MICAL2: variants seen among roughly 807,000 people sequenced by gnomAD.
MICAL2 encodes microtubule associated monooxygenase, calponin and LIM domain containing 2, also known as [F-actin]-monooxygenase MICAL2.
In MICAL2, 77 loss-of-function variants were observed where a neutral mutation model predicts 127.3. The observed-to-expected ratio is 0.60, with a 90% confidence interval of 0.50 to 0.73. The LOEUF is 0.73. Among genes scored for constraint, MICAL2 ranks in the 30% least tolerant of loss-of-function variants. MICAL2 has a pLI of 0.00. For missense variants in MICAL2, 1,351 were observed against 1,434.4 expected (o/e 0.94, Z 0.94); for synonymous variants, 570 against 551.1 (o/e 1.03, Z -0.48).
intron 21 of MICAL2, among the ~76,000 whole-genome samples, chr11:12,244,372 C>T (rs975103584): frequency 5.3e-5 from 8 of 152,232 alleles, no homozygotes; most frequent in African/African-American, 1.4e-4. Flanking sequence ...TGCCACCCTT[C>T]GTGCCAGATG....
chr11:12,159,600 T>G (rs948557173), intron 2 of MICAL2, among the ~76,000 whole-genome samples: 1 of 152,240 alleles, frequency 6.6e-6, no homozygotes, highest in African/African-American at 2.4e-5. Flanking sequence ...CAGTTTTCTC[T>G]GTACTGCTTG....
chr11:12,354,951 C>T, intron 34 of MICAL2: 1 of 1,164,102 alleles, frequency 8.6e-7, no homozygotes, highest in African/African-American at 1.5e-5. Flanking sequence ...CTCTTCCTGC[C>T]TGCCAGCCTG....
chr11:12,348,109 G>A (rs139790111), intron 32 of MICAL2, among the ~76,000 whole-genome samples: 175 of 141,616 alleles, frequency 1.2e-3, no homozygotes, highest in African/African-American at 4.2e-3. Flanking sequence ...AGCCAAGATC[G>A]TGCCACTGCA....
chr11:12,130,896 A>G (rs934880578), intron 1 of MICAL2, among the ~76,000 whole-genome samples: 5 of 152,136 alleles, frequency 3.3e-5, no homozygotes, highest in Non-Finnish European at 5.9e-5. Context: ...GGGAAGAGAG[A>G]GGTTTCTGGG....
intron 24 of MICAL2, 77 bp downstream of exon 24, chr11:12,257,048 C>A: frequency 1.4e-6 from 2 of 1,463,214 alleles, no homozygotes; most frequent in Middle Eastern, 2.3e-4. Context: ...TCCTGTCCCT[C>A]TGGTGGCTCT....
intron 3 of MICAL2, among the ~76,000 whole-genome samples, chr11:12,198,392 G>A (rs1204823346): frequency 1.3e-5 from 2 of 152,222 alleles, no homozygotes; most frequent in African/African-American, 2.4e-5. Context: ...CTGCCCTGCA[G>A]GGGTGAGGCT....
chr11:12,259,518 C>A (rs1862811094), intron 25 of MICAL2, among the ~76,000 whole-genome samples: 1 of 152,088 alleles, frequency 6.6e-6, no homozygotes, highest in South Asian at 2.1e-4. Context: ...TGTTGTTATC[C>A]ATATTTCAAA....
chr11:12,195,381 A>G (rs925150699), intron 3 of MICAL2, among the ~76,000 whole-genome samples: 2 of 152,356 alleles, frequency 1.3e-5, no homozygotes, highest in Admixed American at 6.5e-5. Context: ...GCACCACAAA[A>G]TAAGATAAAT....
chr11:12,331,973 G>A (rs1016312662), intron 32 of MICAL2, among the ~76,000 whole-genome samples: 7 of 151,994 alleles, frequency 4.6e-5, no homozygotes, highest in African/African-American at 1.7e-4. Flanking sequence ...GATTTAAGCC[G>A]GTTTCTCTAA....
chr11:12,279,988 T>C (rs1863755306), intron 1 of MICAL2, among the ~76,000 whole-genome samples: 1 of 152,202 alleles, frequency 6.6e-6, no homozygotes, highest in Admixed American at 6.5e-5. Context: ...AGAGAGTGTG[T>C]GGATATATAT....
upstream of MICAL2, among the ~76,000 whole-genome samples, chr11:12,274,036 G>A (rs908036711): frequency 6.6e-6 from 1 of 152,170 alleles, no homozygotes; most frequent in Admixed American, 6.5e-5. Flanking sequence ...GGGGCTGGGG[G>A]TGAGGACTGG....
In MICAL2 at chr11:12,207,811, C is replaced by T. The variant is rs1590353176; in HGVS notation, c.473-212C>T. 3 of 495,616 alleles carry T rather than the reference C, an allele frequency of 6.1e-6. No individual in the cohort carries two copies. In the East Asian group the frequency reaches 9.6e-5, roughly 16 times the overall value. 30.7% of individuals were successfully genotyped at this position (495,616 alleles called of 1,614,324 possible). ...TTGTTAAGCCTCAATTTCTCATCTACAGAATGAGAATAATAACGATTCCAA... is the reference window on the plus strand; with the variant it reads ...TTGTTAAGCCTCAATTTCTCATCTATAGAATGAGAATAATAACGATTCCAA... On this transcript the variant is annotated intron_variant, in intron 4 of 27. Transcript: ENST00000683283.
At chr11:12,279,061 A>C (rs1464070528) in intron 1 of MICAL2, among the ~76,000 whole-genome samples, 1 of 152,292 alleles carries the variant, frequency 6.6e-6, no homozygotes, top group South Asian at 2.1e-4. Context: ...CTGGGCTCAG[A>C]AGAGAGCTCT....
intron 14 of MICAL2, among the ~76,000 whole-genome samples, chr11:12,226,710 T>C (rs1374268060): frequency 2.0e-5 from 3 of 148,678 alleles, no homozygotes; most frequent in Non-Finnish European, 4.4e-5. Flanking sequence ...TGGAGTGCAG[T>C]GGTGTGATCT....
At chr11:12,294,796 A>AACTCCT, downstream of MICAL2, 1 of 1,440,460 alleles carries the variant, frequency 6.9e-7, no homozygotes, top group Non-Finnish European at 9.3e-7. Context: ...TGCGCCAGGC[A>AACTCCT]GCTCCTCCTC....
chr11:12,331,824 G>T (rs1050249756), intron 32 of MICAL2, among the ~76,000 whole-genome samples: 1 of 152,078 alleles, frequency 6.6e-6, no homozygotes, highest in African/African-American at 2.4e-5. Context: ...AATAAAATAG[G>T]TATCCAAAAA....
At chr11:12,338,015 G>A (rs1198627253) in intron 32 of MICAL2, among the ~76,000 whole-genome samples, 1 of 151,990 alleles carries the variant, frequency 6.6e-6, no homozygotes, top group Non-Finnish European at 1.5e-5. Flanking sequence ...TCCTTGTTAA[G>A]TTTCTGTCTC....
intron 3 of MICAL2, among the ~76,000 whole-genome samples, chr11:12,172,727 A>T (rs1856420124): frequency 6.6e-6 from 1 of 152,092 alleles, no homozygotes; most frequent in African/African-American, 2.4e-5. Flanking sequence ...GGCTCCTATT[A>T]ACAGGCCCCC....
Position 12,224,827 on chromosome 11 carries a change from C to G in MICAL2, c.1688+7C>G, listed in dbSNP as rs754674292. On this transcript the variant is annotated splice_region_variant and intron_variant, in intron 13 of 27. Coordinates refer to ENST00000683283, the MANE Select transcript of MICAL2 (RefSeq NM_001282663.2). ...GCTTCCGGCCTGAGCTCATGTGAGTCTGGGGCCCAGGCTGGCCCCTGGAGA... is the reference window on the plus strand; with the variant it reads ...GCTTCCGGCCTGAGCTCATGTGAGTGTGGGGCCCAGGCTGGCCCCTGGAGA... The G allele has an allele frequency of 1.2e-6, 2 of 1,606,104 alleles. No homozygotes were observed. Among genetic ancestry groups the G allele is most frequent in the Non-Finnish European group, 1.7e-6 (2 of 1,173,232 alleles).
Sources: gnomAD v4.1 joint callset for allele counts (sites outside exome capture counted in the v4.1 genomes callset) on GRCh38, gnomAD v4.1.1 for gene constraint, MANE v1.5 for transcripts, NCBI Gene and HGNC (gene_info 2026-07-23, HGNC 2026-07-21) for gene names.